NKAIN2: variants seen among roughly 807,000 people sequenced by gnomAD.
NKAIN2 encodes sodium/potassium-transporting ATPase subunit beta-1-interacting protein 2.
In NKAIN2, 14 loss-of-function variants were observed where a neutral mutation model predicts 32.6. The observed-to-expected ratio is 0.43, with a 90% CI of 0.28 to 0.67. NKAIN2 has a LOEUF of 0.67. NKAIN2 is among the 30% of genes least tolerant of loss of function. The probability of loss-of-function intolerance (pLI) is 0.17; values close to 1 mark genes in which losing one functional copy is unlikely to be tolerated. For synonymous variants in NKAIN2, 80 were observed against 87.2 expected, an observed-to-expected ratio of 0.92 and a Z score of 0.46; for missense variants, 198 against 258.3, an observed-to-expected ratio of 0.77 and a Z score of 1.60.
intron 1 of NKAIN2, among the ~76,000 whole-genome samples, chr6:124,238,559 G>A (rs111971611): frequency 5.2e-4 from 79 of 151,928 alleles, no homozygotes; most frequent in African/African-American, 1.9e-3. Flanking sequence ...TGACTGAATA[G>A]GAACAGCTCC....
At position 124,428,421 on chromosome 6, in the gene NKAIN2, AC is replaced by A. The variant is rs1444261712; in HGVS notation, c.273+73075del. ...ATATCTGAGAGACCAAACTAAGTAT[AC>A]TTGGTTTTTTATTTAGTGGAACTGA... On this transcript the variant is annotated intron_variant, in intron 3 of 6. Transcript: ENST00000368417. Among the ~76,000 whole-genome samples the A allele has an allele frequency of 5.9e-5, 9 of 152,266 alleles. No homozygotes were observed. The South Asian group carries it at 1.9e-3, about 32-fold the overall frequency.
rs967935015 is a variant in NKAIN2 at position 124,501,976 on chromosome 6, G to C, written c.273+146629G>C. 3.9e-5 allele frequency among the ~76,000 whole-genome samples: 6 copies of C among 152,154 alleles called. No homozygotes were observed. The East Asian group carries it at 1.2e-3, about 30-fold the overall frequency. On this transcript the variant is annotated intron_variant, in intron 3 of 6. Transcript: ENST00000368417. ...CAAAAAATAGCTGGGCATGATAGCTGGTGCCTGTAGTCCCAGCTACGGAAG... is the reference window on the plus strand; with the variant it reads ...CAAAAAATAGCTGGGCATGATAGCTCGTGCCTGTAGTCCCAGCTACGGAAG...
intron 5 of NKAIN2, 118 bp downstream of exon 5, chr6:124,791,517 T>C (rs186434259): frequency 8.0e-5 from 48 of 596,596 alleles, no homozygotes; most frequent in Admixed American, 3.7e-4. Flanking sequence ...GAATGGAAAA[T>C]AAGCCTTTTG....
intron 1 of NKAIN2, among the ~76,000 whole-genome samples, chr6:124,085,385 C>T (rs898880230): frequency 2.0e-5 from 3 of 151,966 alleles, no homozygotes; most frequent in African/African-American, 7.2e-5. Flanking sequence ...AATAATATAA[C>T]AGTATATATA....
intron 3 of NKAIN2, among the ~76,000 whole-genome samples, chr6:124,532,860 C>T (rs1179526387): frequency 6.6e-6 from 1 of 152,160 alleles, no homozygotes; most frequent in African/African-American, 2.4e-5. Context: ...TGCTGTTCCT[C>T]ACCTGGGTGT....
intron 3 of NKAIN2, among the ~76,000 whole-genome samples, chr6:124,392,153 A>G (rs1773170450): frequency 6.6e-6 from 1 of 152,090 alleles, no homozygotes; most frequent in Admixed American, 6.6e-5. Context: ...AAAACTGGAA[A>G]ATTTGTTGGA....
chr6:124,498,364 C>G (rs891915367), intron 3 of NKAIN2, among the ~76,000 whole-genome samples: 7 of 152,084 alleles, frequency 4.6e-5, no homozygotes, highest in Non-Finnish European at 8.8e-5. Context: ...AAGGAAAGGA[C>G]AGGGTGGATG....
intron 1 of NKAIN2, among the ~76,000 whole-genome samples, chr6:124,221,012 C>G (rs2689879): frequency 0.6 from 91,179 of 151,880 alleles, 29,081 homozygotes; most frequent in South Asian, 0.72. Context: ...GTGAATCCAA[C>G]AAAGTGCTAA....
intron 3 of NKAIN2, among the ~76,000 whole-genome samples, chr6:124,427,855 A>G (rs1366247718): frequency 6.6e-6 from 1 of 152,208 alleles, no homozygotes; most frequent in Non-Finnish European, 1.5e-5. Flanking sequence ...GTTCGGGGCT[A>G]CAAAATCTTT....
At chr6:124,284,394 C>T (rs1795450334) in intron 2 of NKAIN2, among the ~76,000 whole-genome samples, 1 of 152,076 alleles carries the variant, frequency 6.6e-6, no homozygotes, top group South Asian at 2.1e-4. Context: ...AACTTCACCT[C>T]ACCAATCTTT....
At chr6:124,330,679 C>A (rs531852409) in intron 2 of NKAIN2, among the ~76,000 whole-genome samples, 1 of 152,310 alleles carries the variant, frequency 6.6e-6, no homozygotes, top group African/African-American at 2.4e-5. Context: ...TAAAGGAACA[C>A]ATGGGATGTT....
At chr6:123,932,831 C>T (rs1776319042) in intron 1 of NKAIN2, among the ~76,000 whole-genome samples, 2 of 148,606 alleles carry the variant, frequency 1.3e-5, no homozygotes, top group Non-Finnish European at 3.0e-5. Context: ...CCAGTGCTTT[C>T]ATTAGATTTT....
chr6:123,817,635 C>T (rs1773748786), intron 1 of NKAIN2, among the ~76,000 whole-genome samples: 1 of 152,176 alleles, frequency 6.6e-6, no homozygotes, highest in African/African-American at 2.4e-5. Flanking sequence ...CTTCCTCCAT[C>T]CCTTTGACCT....
chr6:124,365,287 A>G (rs998396106), intron 3 of NKAIN2, among the ~76,000 whole-genome samples: 3 of 151,866 alleles, frequency 2.0e-5, no homozygotes, highest in East Asian at 1.9e-4. Flanking sequence ...ATTGTTGTCT[A>G]TAAGAGATAT....
At chr6:123,939,058 G>A (rs1562267876) in intron 1 of NKAIN2, among the ~76,000 whole-genome samples, 2 of 151,890 alleles carry the variant, frequency 1.3e-5, no homozygotes, top group Non-Finnish European at 1.5e-5. Context: ...AACAGATTAC[G>A]AGTCAGACTT....
intron 4 of NKAIN2, among the ~76,000 whole-genome samples, chr6:124,756,850 A>T (rs751111588): frequency 6.6e-6 from 1 of 152,124 alleles, no homozygotes; most frequent in Non-Finnish European, 1.5e-5. Context: ...TATATCATAG[A>T]AGCATTTTAT....
At chr6:124,496,087 T>G (rs1466142132) in intron 3 of NKAIN2, among the ~76,000 whole-genome samples, 1 of 152,158 alleles carries the variant, frequency 6.6e-6, no homozygotes, top group Non-Finnish European at 1.5e-5. Context: ...CTGAGCATGC[T>G]ATCTCAATTT....
chr6:124,512,849 G>A (rs575056304), intron 3 of NKAIN2, among the ~76,000 whole-genome samples: 47 of 152,212 alleles, frequency 3.1e-4, no homozygotes, highest in African/African-American at 1.1e-3. Flanking sequence ...ACTGATAGGA[G>A]GGACGGTTAG....
At chr6:124,156,584 A>G (rs577038757) in intron 1 of NKAIN2, among the ~76,000 whole-genome samples, 2 of 152,324 alleles carry the variant, frequency 1.3e-5, no homozygotes, top group South Asian at 2.1e-4. Context: ...GAGGATCATC[A>G]CACGGCACAA....
Sources: gnomAD v4.1 joint callset for allele counts (sites outside exome capture counted in the v4.1 genomes callset) on GRCh38, gnomAD v4.1.1 for gene constraint, MANE v1.5 for transcripts, NCBI Gene and HGNC (gene_info 2026-07-23, HGNC 2026-07-21) for gene names.